Variants in FAM135B observed in about 807,000 individuals in gnomAD.
FAM135B encodes the protein family with sequence similarity 135 member B.
Under a neutral mutation model 127.7 loss-of-function variants are expected in FAM135B, and 43 were observed. That is an observed-to-expected ratio of 0.34 (90% CI 0.26 to 0.43). The LOEUF (loss-of-function observed/expected upper bound fraction) is 0.43, where lower values mean the gene tolerates loss of function less well. Among genes scored for constraint, FAM135B ranks in the 20% least tolerant of loss-of-function variants. The pLI is 1.00. For synonymous variants in FAM135B, 670 were observed against 665.1 expected (o/e 1.01, Z -0.11); for missense variants, 1,558 against 1,725.6 (o/e 0.90, Z 1.72).
intron 7 of FAM135B, among the ~76,000 whole-genome samples, chr8:138,238,189 A>C (rs1018115910): frequency 6.6e-6 from 1 of 152,208 alleles, no homozygotes; most frequent in Non-Finnish European, 1.5e-5. Flanking sequence ...TCTTGGAGGA[A>C]GATTTGATTT....
At chr8:138,292,014 G>C (rs903913484) in intron 3 of FAM135B, among the ~76,000 whole-genome samples, 1 of 151,994 alleles carries the variant, frequency 6.6e-6, no homozygotes, top group Non-Finnish European at 1.5e-5. Context: ...CTCATATACA[G>C]AGAAGCCTAA....
chr8:138,182,107 C>T (rs529816776), intron 9 of FAM135B, among the ~76,000 whole-genome samples: 12 of 152,284 alleles, frequency 7.9e-5, no homozygotes, highest in South Asian at 2.1e-4. Context: ...ACAGTGGCAC[C>T]GGCAAACACA....
chr8:138,339,026 C>T (rs544609274), intron 2 of FAM135B, among the ~76,000 whole-genome samples: 3 of 150,168 alleles, frequency 2.0e-5, no homozygotes, highest in South Asian at 2.1e-4. Context: ...AACCAAACAC[C>T]GCATGTTCTC....
chr8:138,285,252 T>C (rs572378434), intron 3 of FAM135B, among the ~76,000 whole-genome samples: 6 of 149,018 alleles, frequency 4.0e-5, no homozygotes, highest in Non-Finnish European at 8.9e-5. Flanking sequence ...GTTCAAGTGA[T>C]TCTCCTGCCT....
intron 1 of FAM135B, among the ~76,000 whole-genome samples, chr8:138,400,985 A>T (rs1435275200): frequency 6.6e-6 from 1 of 152,258 alleles, no homozygotes; most frequent in Non-Finnish European, 1.5e-5. Flanking sequence ...CACTTAAGAA[A>T]CAACTTAGAA....
intron 1 of FAM135B, among the ~76,000 whole-genome samples, chr8:138,384,157 T>C (rs1445733842): frequency 1.3e-5 from 2 of 152,142 alleles, no homozygotes; most frequent in Non-Finnish European, 2.9e-5. Context: ...GTGCATAGCA[T>C]AGCTGCCTGC....
chr8:138,440,927 G>A (rs1280712897), intron 1 of FAM135B: 1 of 152,072 alleles, frequency 6.6e-6, no homozygotes, highest in Non-Finnish European at 1.5e-5. Flanking sequence ...TGCTATTTTG[G>A]AGTGTTCCTG....
rs1260440770 is a variant in FAM135B at position 138,136,162 on chromosome 8, T to C, written c.4015+985A>G. Among the ~76,000 whole-genome samples, 3 of 152,014 alleles carry C rather than the reference T, an allele frequency of 2.0e-5. No homozygotes were observed. The East Asian group carries it at 5.8e-4, about 29-fold the overall frequency. On this transcript the variant is annotated intron_variant, in intron 19 of 19. Transcript: ENST00000395297. ...ATGTATTAAAACTAATTTTTAAAAA[T>C]TTTTTCATCAAAATTCCTGTTGGAT...
intron 2 of FAM135B, among the ~76,000 whole-genome samples, chr8:138,362,970 G>A (rs1519376): frequency 0.032 from 4,926 of 152,176 alleles, 153 homozygotes; most frequent in East Asian, 0.17. Context: ...GAAAAGCTAC[G>A]GATTCCAAAA....
intron 7 of FAM135B, among the ~76,000 whole-genome samples, chr8:138,231,723 T>G (rs1398299903): frequency 6.6e-6 from 1 of 152,116 alleles, no homozygotes; most frequent in Non-Finnish European, 1.5e-5. Context: ...TTGCTTAAGT[T>G]ATTAGAGCTC....
At chr8:138,334,382 T>C (rs1828404519) in intron 2 of FAM135B, among the ~76,000 whole-genome samples, 1 of 152,206 alleles carries the variant, frequency 6.6e-6, no homozygotes, top group South Asian at 2.1e-4. Context: ...TGTTTCTTTG[T>C]TTTCTTTTTT....
intron 3 of FAM135B, among the ~76,000 whole-genome samples, chr8:138,287,093 T>C (rs1824744908): frequency 6.6e-6 from 1 of 152,158 alleles, no homozygotes; most frequent in African/African-American, 2.4e-5. Context: ...AAAAACTGCC[T>C]AAAACAAACT....
chr8:138,279,982 A>G (rs994259395), intron 3 of FAM135B, among the ~76,000 whole-genome samples: 7 of 152,216 alleles, frequency 4.6e-5, no homozygotes, highest in African/African-American at 2.4e-5. Context: ...CTGAAAACTC[A>G]TGCAACCAAT....
At chr8:138,328,147 T>C (rs181070504) in intron 2 of FAM135B, among the ~76,000 whole-genome samples, 52 of 152,270 alleles carry the variant, frequency 3.4e-4, no homozygotes, top group African/African-American at 1.2e-3. Context: ...CCAGAGATGA[T>C]TGAGATGCTG....
At position 138,151,839 on chromosome 8, in the gene FAM135B, T is replaced by G. The variant is rs1322693031; in HGVS notation, c.2636A>C (p.Asn879Thr). The change falls in exon 13 of 20, where the codon AAT becomes ACT. Residue 879 changes from asparagine to threonine, a missense_variant. This residue lies in a region of FAM135B where 923 missense variants were observed against 865.3 expected (regional missense o/e 1.07). Transcript: ENST00000395297. The part of the protein sequence containing the change: ...NTPGVETKGL[N>T]LKIPRVIALE... Reference sequence around the variant, plus strand: ...TGCTATGACGCGTGGTATTTTTAAATTAAGACCTTTGGTTTCAACACCTGG... The same window carrying G: ...TGCTATGACGCGTGGTATTTTTAAAGTAAGACCTTTGGTTTCAACACCTGG... 6.2e-7 allele frequency: 1 copy of G among 1,614,166 alleles called. No individual in the cohort carries two copies. Among genetic ancestry groups the G allele is most frequent in the East Asian group, 2.2e-5 (1 of 44,876 alleles).
intron 1 of FAM135B, among the ~76,000 whole-genome samples, chr8:138,425,064 T>C (rs1180796774): frequency 3.3e-5 from 5 of 152,212 alleles, no homozygotes; most frequent in Non-Finnish European, 7.3e-5. Flanking sequence ...GCCAACCACA[T>C]GGTCATCCTT....
intron 5 of FAM135B, among the ~76,000 whole-genome samples, chr8:138,256,130 T>C (rs1037115580): frequency 1.0e-5 from 1 of 95,904 alleles, no homozygotes; most frequent in African/African-American, 3.5e-5. Context: ...TATCCCAGCT[T>C]AGTTGGCCTG....
intron 5 of FAM135B, among the ~76,000 whole-genome samples, chr8:138,254,034 G>T (rs1252449991): frequency 6.6e-6 from 1 of 152,204 alleles, no homozygotes; most frequent in East Asian, 1.9e-4. Context: ...ACACATTGAA[G>T]CCTGGCCTCA....
intron 6 of FAM135B, among the ~76,000 whole-genome samples, chr8:138,244,658 T>G (rs1399699840): frequency 6.6e-6 from 1 of 152,254 alleles, no homozygotes; most frequent in Non-Finnish European, 1.5e-5. Flanking sequence ...AATTTAGCTA[T>G]AAGATGGATA....
Sources: gnomAD v4.1 joint callset for allele counts (sites outside exome capture counted in the v4.1 genomes callset) on GRCh38, gnomAD v4.1.1 for gene constraint, gnomAD v4.1.1 regional missense constraint, MANE v1.5 for transcripts, NCBI Gene and HGNC (gene_info 2026-07-23, HGNC 2026-07-21) for gene names.